The following AGBL4 variants were observed in gnomAD, a reference collection of about 807,000 sequenced individuals.
The protein encoded by AGBL4 is AGBL carboxypeptidase 4, also known as cytosolic carboxypeptidase 6.
Under a neutral mutation model 66.4 loss-of-function variants are expected in AGBL4, and 58 were observed. That is an observed-to-expected ratio of 0.87 (90% CI 0.71 to 1.09). The LOEUF (loss-of-function observed/expected upper bound fraction) is 1.09, where lower values mean the gene tolerates loss of function less well. Ranked by LOEUF, AGBL4 falls within the 50% of genes least tolerant of loss-of-function variation. The pLI is 0.00. For synonymous variants in AGBL4, 234 were observed against 222.9 expected (o/e 1.05, Z -0.44); for missense variants, 579 against 631.0 (o/e 0.92, Z 0.88).
At chr1:49,871,477 C>T (rs1646837453) in intron 1 of AGBL4, among the ~76,000 whole-genome samples, 1 of 152,006 alleles carries the variant, frequency 6.6e-6, no homozygotes, top group African/African-American at 2.4e-5. Flanking sequence ...TGATCCTATT[C>T]TGTTATATCA....
At chr1:48,600,121 C>T (rs901952836) in intron 9 of AGBL4, among the ~76,000 whole-genome samples, 5 of 152,294 alleles carry the variant, frequency 3.3e-5, no homozygotes, top group Non-Finnish European at 2.9e-5. Flanking sequence ...GTGAATCCTT[C>T]GAAGCCTAGA....
chr1:49,615,970 C>T (rs1185532664), intron 3 of AGBL4, among the ~76,000 whole-genome samples: 1 of 152,092 alleles, frequency 6.6e-6, no homozygotes, highest in East Asian at 1.9e-4. Context: ...CTCATCTTAC[C>T]ACTCACATAG....
chr1:49,847,182 G>A (rs1325212205), intron 2 of AGBL4, among the ~76,000 whole-genome samples: 1 of 152,108 alleles, frequency 6.6e-6, no homozygotes, highest in Non-Finnish European at 1.5e-5. Context: ...TTCAATAAGT[G>A]GTACTGGTAA....
At chr1:49,470,505 A>C (rs1646720217) in intron 3 of AGBL4, among the ~76,000 whole-genome samples, 1 of 151,974 alleles carries the variant, frequency 6.6e-6, no homozygotes, top group African/African-American at 2.4e-5. Flanking sequence ...GTCATTACCA[A>C]ATAGGTTATG....
intron 3 of AGBL4, among the ~76,000 whole-genome samples, chr1:49,562,256 G>T (rs1216173343): frequency 6.6e-6 from 1 of 152,096 alleles, no homozygotes; most frequent in African/African-American, 2.4e-5. Context: ...CATTCTGTAG[G>T]TTGCCTGTTC....
intron 3 of AGBL4, among the ~76,000 whole-genome samples, chr1:49,325,149 A>C (rs1570438118): frequency 6.6e-6 from 1 of 152,186 alleles, no homozygotes; most frequent in South Asian, 2.1e-4. Context: ...CAGCCTCCCA[A>C]GTAGCTGGGA....
intron 3 of AGBL4, among the ~76,000 whole-genome samples, chr1:49,610,635 C>A (rs967443581): frequency 6.6e-6 from 1 of 152,180 alleles, no homozygotes. Flanking sequence ...GGAGGCTTGA[C>A]GGAGCTATTT....
chr1:48,565,515 C>T (rs1198969021), intron 11 of AGBL4, among the ~76,000 whole-genome samples: 1 of 152,090 alleles, frequency 6.6e-6, no homozygotes, highest in Non-Finnish European at 1.5e-5. Context: ...ATCTTTGGTT[C>T]CTCAACTTCT....
chr1:48,820,394 T>C (rs983589022), intron 6 of AGBL4, among the ~76,000 whole-genome samples: 16 of 152,152 alleles, frequency 1.1e-4, no homozygotes, highest in Non-Finnish European at 2.1e-4. Context: ...AAACATTATT[T>C]TGGGTGTTTC....
intron 4 of AGBL4, among the ~76,000 whole-genome samples, chr1:49,229,953 C>T (rs1285985592): frequency 6.6e-6 from 1 of 152,064 alleles, no homozygotes; most frequent in Non-Finnish European, 1.5e-5. Flanking sequence ...TACTCAATTA[C>T]ACCAAAAGCT....
chr1:49,658,596 T>G (rs1646201269), intron 3 of AGBL4, among the ~76,000 whole-genome samples: 1 of 152,150 alleles, frequency 6.6e-6, no homozygotes, highest in Non-Finnish European at 1.5e-5. Context: ...TAGCAAAGAC[T>G]TGGAACCAAC....
intron 12 of AGBL4, among the ~76,000 whole-genome samples, chr1:48,535,264 C>A (rs980809564): frequency 1.3e-5 from 2 of 152,052 alleles, no homozygotes; most frequent in Non-Finnish European, 1.5e-5. Context: ...ACATCCCATA[C>A]CTTTAGGCCT....
chr1:48,845,715 G>T (rs1646894201), intron 6 of AGBL4, among the ~76,000 whole-genome samples: 1 of 152,152 alleles, frequency 6.6e-6, no homozygotes, highest in Non-Finnish European at 1.5e-5. Context: ...TGCCAGTAGA[G>T]TATAGCAGTT....
intron 4 of AGBL4, among the ~76,000 whole-genome samples, chr1:49,196,986 C>T (rs759139405): frequency 1.1e-4 from 17 of 152,038 alleles, no homozygotes; most frequent in Non-Finnish European, 2.5e-4. Context: ...CGTCACCATG[C>T]CCAGCATTTT....
At chr1:49,069,952 CT>C (rs1170287848) in intron 4 of AGBL4, among the ~76,000 whole-genome samples, 1 of 151,874 alleles carries the variant, frequency 6.6e-6, no homozygotes, top group Non-Finnish European at 1.5e-5. Context: ...CTTCACATCC[CT>C]TGTAAGTTGG....
chr1:48,829,747 G>C (rs767299582), intron 6 of AGBL4, among the ~76,000 whole-genome samples: 5 of 151,796 alleles, frequency 3.3e-5, no homozygotes, highest in Admixed American at 6.6e-5. Flanking sequence ...ATGATTTTCT[G>C]CTTTTTTTTA....
intron 2 of AGBL4, among the ~76,000 whole-genome samples, chr1:49,701,093 G>C (rs1423884088): frequency 6.6e-6 from 1 of 151,912 alleles, no homozygotes; most frequent in African/African-American, 2.4e-5. Context: ...GAATTCATCA[G>C]GATGGTAAAA....
At chr1:48,946,053 C>T (rs931613229) in intron 5 of AGBL4, among the ~76,000 whole-genome samples, 1 of 152,312 alleles carries the variant, frequency 6.6e-6, no homozygotes, top group South Asian at 2.1e-4. Flanking sequence ...ATTCCACCCA[C>T]GAGGAACACC....
intron 4 of AGBL4, among the ~76,000 whole-genome samples, chr1:49,113,017 T>C (rs1260984427): frequency 6.6e-6 from 1 of 151,572 alleles, no homozygotes; most frequent in Non-Finnish European, 1.5e-5. Context: ...AGTGGCGCAA[T>C]CTCGGCTCAC....
Sources: allele counts gnomAD v4.1 joint callset (sites outside exome capture counted in the v4.1 genomes callset), GRCh38; gene constraint gnomAD v4.1.1; transcripts MANE v1.5; gene names NCBI Gene and HGNC (gene_info 2026-07-23, HGNC 2026-07-21).